Variants in SUGCT observed in about 807,000 individuals in gnomAD.
The protein encoded by SUGCT is succinyl-CoA:glutarate-CoA transferase, also known as succinyl-CoA:glutarate CoA-transferase.
A neutral mutation model predicts 55.0 loss-of-function variants in SUGCT; 41 were observed. That is an observed-to-expected ratio of 0.74 (90% CI 0.58 to 0.97). The LOEUF is 0.97. Among genes scored for constraint, SUGCT ranks in the 50% least tolerant of loss-of-function variants. The pLI is 0.00. For synonymous variants in SUGCT, 187 were observed against 200.4 expected (o/e 0.93, Z 0.56); for missense variants, 568 against 547.8 (o/e 1.04, Z -0.37).
At chr7:40,456,891 C>T (rs974152774) in intron 10 of SUGCT, among the ~76,000 whole-genome samples, 4 of 152,024 alleles carry the variant, frequency 2.6e-5, no homozygotes, top group Non-Finnish European at 4.4e-5. Flanking sequence ...GAGGTAATAG[C>T]GCCATATTGT....
intron 9 of SUGCT, among the ~76,000 whole-genome samples, chr7:40,394,612 A>G (rs1785619253): frequency 6.6e-6 from 1 of 152,240 alleles, no homozygotes; most frequent in Non-Finnish European, 1.5e-5. Context: ...CATGTTGTGC[A>G]ATAGATCTCT....
intron 9 of SUGCT, among the ~76,000 whole-genome samples, chr7:40,365,393 G>T (rs1357340731): frequency 6.6e-6 from 1 of 151,610 alleles, no homozygotes; most frequent in Non-Finnish European, 1.5e-5. Context: ...ATTCAACATA[G>T]TGTTGGAAGT....
At chr7:40,152,861 C>T (rs1159739230) in intron 1 of SUGCT, among the ~76,000 whole-genome samples, 2 of 152,022 alleles carry the variant, frequency 1.3e-5, no homozygotes, top group African/African-American at 4.8e-5. Flanking sequence ...CCACCGTGCC[C>T]GGCTAATTTT....
chr7:40,432,311 T>C (rs1787932191), intron 9 of SUGCT, among the ~76,000 whole-genome samples: 1 of 152,304 alleles, frequency 6.6e-6, no homozygotes. Context: ...TTCTGGTCAG[T>C]GAGGTTCCTG....
chr7:40,508,568 T>G (rs1381625016), intron 12 of SUGCT, among the ~76,000 whole-genome samples: 1 of 151,660 alleles, frequency 6.6e-6, no homozygotes, highest in East Asian at 2.0e-4. Context: ...AGCTTGGTAG[T>G]GATGGTGGAG....
At chr7:40,672,534 T>G (rs1247257962) in intron 12 of SUGCT, among the ~76,000 whole-genome samples, 1 of 152,114 alleles carries the variant, frequency 6.6e-6, no homozygotes, top group Admixed American at 6.6e-5. Context: ...GGAAACTAGA[T>G]GAGTGGTTGC....
chr7:40,609,955 A>G (rs1029017920), intron 12 of SUGCT, among the ~76,000 whole-genome samples: 1 of 152,250 alleles, frequency 6.6e-6, no homozygotes, highest in African/African-American at 2.4e-5. Flanking sequence ...ACAAAGCTCA[A>G]TTCAGTTAGT....
At chr7:40,822,369 A>T (rs1449083405) in intron 13 of SUGCT, among the ~76,000 whole-genome samples, 1 of 152,078 alleles carries the variant, frequency 6.6e-6, no homozygotes, top group Non-Finnish European at 1.5e-5. Context: ...TGGGGTGTTA[A>T]AGTCTCCCAT....
chr7:40,818,304 G>A (rs993239520), intron 13 of SUGCT, among the ~76,000 whole-genome samples: 1 of 152,220 alleles, frequency 6.6e-6, no homozygotes, highest in African/African-American at 2.4e-5. Flanking sequence ...GCTCTTTCAA[G>A]AGAGAATCTG....
intron 12 of SUGCT, among the ~76,000 whole-genome samples, chr7:40,701,708 C>T (rs1043900972): frequency 4.6e-5 from 7 of 152,212 alleles, no homozygotes; most frequent in African/African-American, 1.7e-4. Flanking sequence ...ACTGTTGAAT[C>T]TCTAGAGCAG....
At chr7:40,824,375 G>A (rs1376794600) in intron 13 of SUGCT, among the ~76,000 whole-genome samples, 2 of 152,086 alleles carry the variant, frequency 1.3e-5, no homozygotes, top group Admixed American at 1.3e-4. Context: ...TGTGTGTTGG[G>A]GAGGCAAGAA....
intron 5 of SUGCT, among the ~76,000 whole-genome samples, chr7:40,190,491 T>G (rs1785827269): frequency 6.6e-6 from 1 of 152,134 alleles, no homozygotes; most frequent in Non-Finnish European, 1.5e-5. Context: ...TCAAGTGATC[T>G]GCCTACCTTG....
At chr7:40,809,011 A>T (rs1791257440) in intron 13 of SUGCT, among the ~76,000 whole-genome samples, 1 of 152,172 alleles carries the variant, frequency 6.6e-6, no homozygotes, top group South Asian at 2.1e-4. Flanking sequence ...CGGTTTTCTC[A>T]TCTGGAAACT....
chr7:40,446,311 T>C lies in SUGCT; in HGVS notation c.817-2976T>C, dbSNP rs551130640. ...CATTATATATTCCAACACAGATTGT[T>C]ACTTCACATTTACTTATTCGCCCCC... is the stretch of plus-strand genomic sequence containing the variant. On this transcript the variant is annotated intron_variant, in intron 9 of 13. Transcript: ENST00000335693. 1.3e-4 allele frequency among the ~76,000 whole-genome samples: 20 copies of C among 152,258 alleles called. No individual in the cohort carries two copies. The South Asian group carries it at 3.9e-3, about 30-fold the overall frequency.
At chr7:40,158,156 C>T (rs975758428) in intron 1 of SUGCT, among the ~76,000 whole-genome samples, 54 of 151,498 alleles carry the variant, frequency 3.6e-4, no homozygotes, top group African/African-American at 1.3e-3. Context: ...GAGCCGAGAG[C>T]GTACCACTGC....
rs183258425 is a variant in SUGCT at position 40,641,058 on chromosome 7, G to A, written c.1090-108376G>A. 4.6e-5 allele frequency among the ~76,000 whole-genome samples: 7 copies of A among 152,278 alleles called. No homozygotes were observed. The East Asian group carries it at 7.7e-4, about 17-fold the overall frequency. ...TTTACAAGAAGTTCAAATACCCTTC[G>A]TGATATCTCTCTTCCCCTTCTTAAC... On this transcript the variant is annotated intron_variant, in intron 12 of 13. Coordinates refer to ENST00000335693, the MANE Select transcript of SUGCT (RefSeq NM_001193313.2).
the SUGCT span, among the ~76,000 whole-genome samples, chr7:40,934,914 C>A: frequency 0.012 from 1,841 of 152,298 alleles, 42 homozygotes; most frequent in African/African-American, 0.042. Context: ...TTGGCTCACC[C>A]TCCATGGGCT....
At chr7:40,436,484 G>T (rs990115741) in intron 9 of SUGCT, among the ~76,000 whole-genome samples, 4 of 152,152 alleles carry the variant, frequency 2.6e-5, no homozygotes, top group African/African-American at 9.7e-5. Flanking sequence ...AGCCAATTTA[G>T]AATATTTTTA....
intron 6 of SUGCT, among the ~76,000 whole-genome samples, chr7:40,196,165 C>T (rs1349144704): frequency 1.3e-5 from 2 of 150,898 alleles, no homozygotes; most frequent in Non-Finnish European, 2.9e-5. Context: ...CTTATATATG[C>T]ATGTATGTGT....
Sources: gnomAD v4.1 joint callset for allele counts (sites outside exome capture counted in the v4.1 genomes callset) on GRCh38, gnomAD v4.1.1 for gene constraint, MANE v1.5 for transcripts, NCBI Gene and HGNC (gene_info 2026-07-23, HGNC 2026-07-21) for gene names.